The following TAPBPL variants were observed in gnomAD, a reference collection of about 807,000 sequenced individuals.
TAPBPL encodes the protein TAP binding protein like.
TAPBPL carries 32 observed loss-of-function variants against 44.8 expected under a neutral mutation model. The observed-to-expected ratio is 0.71, with a 90% CI of 0.54 to 0.96. TAPBPL has a LOEUF of 0.96. TAPBPL is among the 40% of genes least tolerant of loss of function. The pLI, the probability that TAPBPL is intolerant of heterozygous loss-of-function variation, is 0.00. For synonymous variants in TAPBPL, 230 were observed against 240.7 expected (o/e 0.96, Z 0.41); for missense variants, 520 against 586.6 (o/e 0.89, Z 1.17).
At chr12:6,458,497 C>T in intron 4 of TAPBPL, 148 bp from the exon 5 acceptor site, 2 of 885,194 alleles carry the variant, frequency 2.3e-6, no homozygotes, top group Non-Finnish European at 3.4e-6. Context: ...CCAGGTGGGC[C>T]CCTCACACAC....
intron 5 of TAPBPL, among the ~76,000 whole-genome samples, chr12:6,460,379 C>T (rs2009527): frequency 0.24 from 36,860 of 152,130 alleles, 5,007 homozygotes; most frequent in Middle Eastern, 0.35. Flanking sequence ...GATTCTCCCA[C>T]CTCAGCCTCC....
At chr12:6,463,110 G>C (rs866729262), downstream of TAPBPL, 1 of 1,509,256 alleles carries the variant, frequency 6.6e-7, no homozygotes, top group South Asian at 1.3e-5. This position sits in a 1 kb window ranked among gnomAD's most constrained non-coding sequence, Gnocchi z 4.0. Context: ...CCCGAAGATA[G>C]GCTGAGCAGA....
Position 6,453,332 on chromosome 12 carries a change from G to C in TAPBPL, c.295+35G>C. 1.2e-6 allele frequency: 2 copies of C among 1,611,156 alleles called. No individual in the cohort carries two copies. Among genetic ancestry groups the C allele is most frequent in the Non-Finnish European group, 1.7e-6 (2 of 1,178,614 alleles). ...TTCCACCTGTGTCCTTGGTCCTCCC[G>C]GGCTCCCTCCACCAGGACAGCCCAG... is the stretch of plus-strand genomic sequence containing the variant. On this transcript the variant is annotated intron_variant, in intron 2 of 6. Coordinates refer to ENST00000266556, the MANE Select transcript of TAPBPL (RefSeq NM_018009.5). This position sits in a 1 kb window ranked among gnomAD's most constrained non-coding sequence, Gnocchi z 4.8.
Position 6,457,677 on chromosome 12 carries a change from G to A in TAPBPL, c.837G>A (p.Gly279=), listed in dbSNP as rs1949735923. The A allele has an allele frequency of 6.2e-7, 1 of 1,613,286 alleles. No homozygotes were observed. The highest frequency in any genetic ancestry group is 1.3e-5 in the African/African-American group (1 of 74,926). Reference sequence around the variant, plus strand: ...CCGGCCTCACTATACAGGACGAGGGGACCTACATTTGCCAGATCACCACCT... The same window carrying A: ...CCGGCCTCACTATACAGGACGAGGGAACCTACATTTGCCAGATCACCACCT... ...TLPGLTIQDE[G]TYICQITTSL... is the part of the protein sequence containing the mutation. The change falls in exon 4 of 7, where the codon GGG becomes GGA. Residue 279 remains glycine, a synonymous_variant. Coordinates refer to ENST00000266556, the MANE Select transcript of TAPBPL (RefSeq NM_018009.5).
At chr12:6,466,091 C>A (rs1298349307), downstream of TAPBPL, 1 of 1,610,930 alleles carries the variant, frequency 6.2e-7, no homozygotes, top group Admixed American at 1.7e-5. Context: ...TGGCCCTGTG[C>A]AACTCTAAAG....
intron 3 of TAPBPL, among the ~76,000 whole-genome samples, chr12:6,454,412 G>A (rs1438690498): frequency 6.6e-6 from 1 of 152,134 alleles, no homozygotes; most frequent in Non-Finnish European, 1.5e-5. Context: ...TGGTTGCAGT[G>A]AGCCGAGATT....
downstream of TAPBPL, chr12:6,464,463 T>C (rs777865936): frequency 5.5e-5 from 86 of 1,553,912 alleles, 1 homozygote; most frequent in Middle Eastern, 2.7e-3. Flanking sequence ...GAAGGGGTGG[T>C]ACATTCTCAA....
intron 3 of TAPBPL, among the ~76,000 whole-genome samples, chr12:6,454,885 A>G (rs934786760): frequency 5.9e-5 from 9 of 152,052 alleles, no homozygotes; most frequent in Non-Finnish European, 1.0e-4. Flanking sequence ...TGAGTCTCCA[A>G]GAAGAAACAG....
intron 3 of TAPBPL, among the ~76,000 whole-genome samples, chr12:6,455,031 A>G (rs1236870402): frequency 1.3e-5 from 2 of 151,808 alleles, no homozygotes; most frequent in Non-Finnish European, 2.9e-5. Flanking sequence ...TGTCTACCAT[A>G]CTCCTGGCAT....
downstream of TAPBPL, chr12:6,464,885 C>T (rs746971276): frequency 2.5e-6 from 4 of 1,614,078 alleles, no homozygotes; most frequent in Non-Finnish European, 2.5e-6. Flanking sequence ...TTCAGCGATA[C>T]TTACTTACAA....
At chr12:6,461,765 G>T (rs1471780274) in intron 6 of TAPBPL, among the ~76,000 whole-genome samples, 1 of 152,194 alleles carries the variant, frequency 6.6e-6, no homozygotes, top group Non-Finnish European at 1.5e-5. Context: ...TGCAAGGAGA[G>T]ACTTCTCCTT....
Position 6,457,419 on chromosome 12 carries a change from G to A in TAPBPL, c.579G>A (p.Val193=). The change falls in exon 4 of 7, where the codon GTG becomes GTA. Residue 193 remains valine, a synonymous_variant. Transcript: ENST00000266556. ...GTVRTAVEFQ[V]MTQTQSLSFL... ...TCCTCTTCACAGTGGAGTTCCAGGT[G>A]ATGACACAGACCCAATCCCTGAGCT... 1 of 1,613,832 alleles carries A rather than the reference G, an allele frequency of 6.2e-7. No homozygotes were observed. Among genetic ancestry groups the A allele is most frequent in the Non-Finnish European group, 8.5e-7 (1 of 1,179,784 alleles).
At chr12:6,455,785 C>G (rs61917980) in intron 3 of TAPBPL, among the ~76,000 whole-genome samples, 2 of 144,470 alleles carry the variant, frequency 1.4e-5, no homozygotes, top group South Asian at 2.2e-4. Context: ...TTTTTTTTAA[C>G]AGTCTCATTC....
At chr12:6,454,147 C>T (rs1949642737) in intron 3 of TAPBPL, among the ~76,000 whole-genome samples, 1 of 152,152 alleles carries the variant, frequency 6.6e-6, no homozygotes, top group Admixed American at 6.5e-5. Flanking sequence ...TCAGGGCACC[C>T]CTAGGCCTTG....
downstream of TAPBPL, chr12:6,464,210 T>C: frequency 6.7e-7 from 1 of 1,493,336 alleles, no homozygotes. Context: ...TTGGGGGAAC[T>C]TGAGAGTACA....
At chr12:6,464,690 G>A (rs1034969), downstream of TAPBPL, 19 of 1,492,240 alleles carry the variant, frequency 1.3e-5, no homozygotes, top group East Asian at 3.0e-4. Flanking sequence ...CCTGCAATGC[G>A]TTGCAGGGGG....
downstream of TAPBPL, chr12:6,470,946 C>G (rs1945762463): frequency 4.8e-6 from 1 of 209,758 alleles, no homozygotes; most frequent in Non-Finnish European, 9.7e-6. Context: ...TGAGGTCTGT[C>G]CCTTCGGAGG....
intron 3 of TAPBPL, among the ~76,000 whole-genome samples, chr12:6,454,487 A>G (rs1949655295): frequency 6.6e-6 from 1 of 152,108 alleles, no homozygotes; most frequent in African/African-American, 2.4e-5. Context: ...AACAACAACA[A>G]AAACCCTGAG....
chr12:6,466,445 G>T (rs1950027660), downstream of TAPBPL: 3 of 1,412,584 alleles, frequency 2.1e-6, no homozygotes, highest in African/African-American at 2.9e-5. Flanking sequence ...CTACTCAAGA[G>T]GCTGAAGTGG....
Sources: allele counts gnomAD v4.1 joint callset (sites outside exome capture counted in the v4.1 genomes callset), GRCh38; gene constraint gnomAD v4.1.1; non-coding constraint Gnocchi (gnomAD v3.1); transcripts MANE v1.5; gene names NCBI Gene and HGNC (gene_info 2026-07-23, HGNC 2026-07-21).